The following GON4L variants were observed in gnomAD, a reference collection of about 807,000 sequenced individuals.
The protein encoded by GON4L is GON-4-like protein.
Under a neutral mutation model 211.8 loss-of-function variants are expected in GON4L, and 87 were observed. The ratio of observed to expected loss-of-function variants is 0.41; its 90% CI spans 0.35 to 0.49. GON4L has a LOEUF of 0.49. Ranked by LOEUF, GON4L falls within the 20% of genes least tolerant of loss-of-function variation. The pLI is 0.15. For missense variants in GON4L, 2,155 were observed against 2,659.5 expected (o/e 0.81, Z 4.17); for synonymous variants, 875 against 962.6 (o/e 0.91, Z 1.68).
chr1:155,858,635 TG>T (rs146619215), upstream of GON4L, among the ~76,000 whole-genome samples: 575 of 139,980 alleles, frequency 4.1e-3, 3 homozygotes, highest in African/African-American at 0.015. Context: ...TTTCATTAGT[TG>T]TTTTTTTTTT....
chr1:155,764,789 T>G (rs1317746596), intron 21 of GON4L: 1 of 1,301,352 alleles, frequency 7.7e-7, no homozygotes, highest in Admixed American at 1.8e-5. Context: ...TTCAATTTAA[T>G]GTGTAAACGA....
rs1018024136 is a variant in GON4L, at chr1:155,765,496, T to G, written c.3977A>C (p.Lys1326Thr). ...PTPGDLEEIVKMEPEEAREEI... is the reference protein window; with the variant it reads ...PTPGDLEEIVTMEPEEAREEI... ...CTCTCTAGCTTCTTCAGGTTCCATC[T>G]TGACAATTTCCTCTAAATCCCCAGG... The change falls in exon 21 of 32, where the codon AAG becomes ACG. Residue 1326 changes from lysine (K) to threonine (T), a missense_variant. Physicochemically the swap from Lys to Thr is moderately conservative, Grantham distance 78. Around this residue, in one of 6 missense-constraint regions of GON4L, gnomAD observed 615 missense variants for 625.7 expected, o/e 0.98. Coordinates refer to ENST00000368331, the MANE Select transcript of GON4L (RefSeq NM_001282860.2). 1.2e-6 allele frequency: 2 copies of G among 1,614,200 alleles called. No individual in the cohort carries two copies. Among genetic ancestry groups the G allele is most frequent in the Non-Finnish European group, 1.7e-6 (2 of 1,180,024 alleles).
At chr1:155,770,176 T>C (rs538139871) in intron 19 of GON4L, among the ~76,000 whole-genome samples, 1 of 151,856 alleles carries the variant, frequency 6.6e-6, no homozygotes, top group East Asian at 1.9e-4. Flanking sequence ...TGTACCACTG[T>C]ACTCCAGCCT....
At chr1:155,753,997 A>T (rs534483604) in intron 28 of GON4L, 2 of 345,732 alleles carry the variant, frequency 5.8e-6, no homozygotes, top group Non-Finnish European at 1.1e-5. Context: ...CGAATAGAGT[A>T]TTGGATTCCA....
At chr1:155,745,183 CAG>C (rs1370388681), downstream of GON4L, among the ~76,000 whole-genome samples, 1 of 152,166 alleles carries the variant, frequency 6.6e-6, no homozygotes, top group African/African-American at 2.4e-5. Flanking sequence ...GACTATTCCA[CAG>C]AGATGAAAAA....
At chr1:155,836,072 C>T (rs564977855) in intron 2 of GON4L, among the ~76,000 whole-genome samples, 26 of 152,092 alleles carry the variant, frequency 1.7e-4, no homozygotes, top group African/African-American at 6.0e-4. Flanking sequence ...AGCAAAACCC[C>T]GGCTCTACTA....
chr1:155,769,382 TAAG>T lies in GON4L; in HGVS notation c.2646+1682_2646+1684del, dbSNP rs561395013. 1.5e-3 allele frequency among the ~76,000 whole-genome samples: 230 copies of T among 151,936 alleles called. 1 individual carries two copies. The highest frequency in any genetic ancestry group is 5.3e-3 in the African/African-American group (218 of 41,438). On this transcript the variant is annotated intron_variant, in intron 19 of 31. Coordinates refer to ENST00000368331, the MANE Select transcript of GON4L (RefSeq NM_001282860.2). Reference sequence around the variant, plus strand: ...AAACACAGATGTAGAATTCAGGAAATAAGAAGATCCAACACAGTAAGAGGCAAA... The same window carrying T: ...AAACACAGATGTAGAATTCAGGAAATAAGATCCAACACAGTAAGAGGCAAA...
chr1:155,753,332 G>A lies in GON4L; in HGVS notation c.5714C>T (p.Pro1905Leu), dbSNP rs753616040. 5.0e-6 allele frequency: 8 copies of A among 1,613,300 alleles called. No individual in the cohort carries two copies. Among genetic ancestry groups the A allele is most frequent in the South Asian group, 1.1e-5 (1 of 91,054 alleles). The change falls in exon 29 of 32, where the codon CCT (proline) becomes CTT (leucine). Residue 1905 changes from proline (P) to leucine (L), a missense_variant. Coordinates refer to ENST00000368331, the MANE Select transcript of GON4L (RefSeq NM_001282860.2). ...GCCCTGCCCAGCTTCCTTAGCACCA[G>A]GCATAGGACTAGCCTCTCGGTGGGG... Reference protein sequence around the residue: ...SSPHREASPMPGAKEAGQGKD... With the variant: ...SSPHREASPMLGAKEAGQGKD...
Position 155,752,471 on chromosome 1 carries a change from C to G in GON4L, c.5962G>C (p.Gly1988Arg). 1 of 1,568,440 alleles carries G rather than the reference C, an allele frequency of 6.4e-7. No individual in the cohort carries two copies. The highest frequency in any genetic ancestry group is 1.4e-5 in the African/African-American group (1 of 73,728). Residue 1988 changes from glycine to arginine, a missense_variant, in exon 30 of 32, where the codon GGA becomes CGA. By Grantham distance (125) the Gly-to-Arg change is moderately radical. Around this residue, in one of 6 missense-constraint regions of GON4L, gnomAD observed 455 missense variants for 504.6 expected, o/e 0.90. Transcript: ENST00000368331. ...PETPQFPPTT[G>R]AVLYTVKRNQ... ...CTCTTAACAGTGTACAGTACAGCTCCAGTTGTGGGGGGAAATTGAGGAGTC... is the reference window on the plus strand; with the variant it reads ...CTCTTAACAGTGTACAGTACAGCTCGAGTTGTGGGGGGAAATTGAGGAGTC...
At chr1:155,784,414 C>T in intron 13 of GON4L, 1 of 232,846 alleles carries the variant, frequency 4.3e-6, no homozygotes, top group South Asian at 3.5e-5. Context: ...GTCTTGCAGT[C>T]TTGCTCTATT....
At position 155,766,573 on chromosome 1, in the gene GON4L, G is replaced by A; in HGVS notation, c.2900C>T (p.Ser967Phe). 4.3e-6 allele frequency: 7 copies of A among 1,614,102 alleles called. No individual in the cohort carries two copies. Among genetic ancestry groups the A allele is most frequent in the Non-Finnish European group, 4.2e-6 (5 of 1,180,036 alleles). The change falls in exon 21 of 32, where the codon TCT (serine) becomes TTT (phenylalanine). Residue 967 changes from serine (S) to phenylalanine (F), a missense_variant. Transcript: ENST00000368331. ...CTTAGGCAATAGCAGTGGGTACCGA[G>A]ATTCACTCCCCAACTCCAAATTGTC... ...EKDNLELGSE[S>F]RYPLLLPKGV...
chr1:155,832,296 A>G (rs1433677916), intron 2 of GON4L, among the ~76,000 whole-genome samples: 2 of 151,044 alleles, frequency 1.3e-5, no homozygotes, highest in Admixed American at 6.6e-5. Context: ...AAAAAAAAAA[A>G]AAAAAAGAAA....
intron 2 of GON4L, among the ~76,000 whole-genome samples, chr1:155,852,517 G>A (rs980912372): frequency 1.3e-5 from 2 of 152,058 alleles, no homozygotes; most frequent in East Asian, 1.9e-4. Context: ...CAAGGCGGGC[G>A]GATCACGAGG....
At chr1:155,763,964 C>G (rs565107676) in intron 21 of GON4L, among the ~76,000 whole-genome samples, 1 of 150,362 alleles carries the variant, frequency 6.7e-6, no homozygotes, top group African/African-American at 2.4e-5. Flanking sequence ...AATTATGCCA[C>G]TGCACTCCAA....
intron 14 of GON4L, 118 bp from the exon 15 acceptor site, chr1:155,777,938 T>G: frequency 4.1e-6 from 3 of 728,604 alleles, no homozygotes; most frequent in Non-Finnish European, 7.4e-6. Flanking sequence ...TAATCCCCCA[T>G]CTCACTTTAG....
rs1665948771 is a variant in GON4L, at chr1:155,795,207, A to G, written c.1646-56T>C. ...TAACTCTGTTCTCAAACTTCTAAGA[A>G]TCTGTTCCAATAAAGCACATTTATT... is the stretch of plus-strand genomic sequence containing the variant. On this transcript the variant is annotated intron_variant, in intron 11 of 31. Coordinates refer to ENST00000368331, the MANE Select transcript of GON4L (RefSeq NM_001282860.2). 4.2e-6 allele frequency: 4 copies of G among 960,514 alleles called. No individual in the cohort carries two copies. In the South Asian group the frequency reaches 5.1e-5, roughly 12 times the overall value. The allele number at this position is 960,514 out of a possible 1,614,324, so 59.5% of individuals were successfully genotyped here.
intron 19 of GON4L, among the ~76,000 whole-genome samples, chr1:155,768,739 C>G (rs913467157): frequency 4.6e-5 from 7 of 152,114 alleles, no homozygotes; most frequent in Non-Finnish European, 1.0e-4. Flanking sequence ...GCCACGGCCC[C>G]ATTTAACTCT....
chr1:155,834,041 T>C (rs1023993885), intron 2 of GON4L, among the ~76,000 whole-genome samples: 3 of 151,996 alleles, frequency 2.0e-5, no homozygotes, highest in South Asian at 2.1e-4. Flanking sequence ...GCCCAGGCTG[T>C]TCTTGAACTC....
intron 27 of GON4L, 47 bp downstream of exon 27, chr1:155,756,911 A>G (rs745620709): frequency 6.9e-7 from 1 of 1,459,308 alleles, no homozygotes; most frequent in South Asian, 1.1e-5. Context: ...TTTGGGTGAC[A>G]GAGCGAGATT....
Sources: allele counts gnomAD v4.1 joint callset (sites outside exome capture counted in the v4.1 genomes callset), GRCh38; gene constraint gnomAD v4.1.1; regional missense constraint gnomAD v4.1.1; transcripts MANE v1.5; gene names NCBI Gene and HGNC (gene_info 2026-07-23, HGNC 2026-07-21).